OGFOD1: variants seen among roughly 807,000 people sequenced by gnomAD.
The protein encoded by OGFOD1 is 2-oxoglutarate and iron dependent oxygenase domain containing 1.
A neutral mutation model predicts 67.7 loss-of-function variants in OGFOD1; 54 were observed. The ratio of observed to expected loss-of-function variants is 0.80; its 90% confidence interval spans 0.64 to 1.00. The LOEUF is 1.00. Ranked by LOEUF, OGFOD1 falls within the 50% of genes least tolerant of loss-of-function variation. The pLI is 0.00. For synonymous variants in OGFOD1, 221 were observed against 227.0 expected, an observed-to-expected ratio of 0.97 and a Z score of 0.24; for missense variants, 606 against 646.7, an observed-to-expected ratio of 0.94 and a Z score of 0.68.
chr16:56,463,307 T>C (rs190238689), intron 4 of OGFOD1, among the ~76,000 whole-genome samples: 36 of 152,022 alleles, frequency 2.4e-4, no homozygotes, highest in African/African-American at 8.7e-4. Context: ...CTCACAACTT[T>C]TAGAGGATGA....
At chr16:56,460,716 A>G (rs1435318272) in intron 3 of OGFOD1, among the ~76,000 whole-genome samples, 1 of 152,208 alleles carries the variant, frequency 6.6e-6, no homozygotes, top group Non-Finnish European at 1.5e-5. Context: ...ATCAACCTGG[A>G]GATTTGATAC....
At position 56,463,589 on chromosome 16, in the gene OGFOD1, A is replaced by T. The variant is rs937235233; in HGVS notation, c.448+955A>T. Among the ~76,000 whole-genome samples the T allele has an allele frequency of 4.0e-5, 6 of 151,204 alleles. No individual in the cohort carries two copies. In the East Asian group the frequency reaches 9.7e-4, roughly 25 times the overall value. On this transcript the variant is annotated intron_variant, in intron 4 of 12. Transcript: ENST00000566157. The stretch of plus-strand genomic sequence containing the variant: ...AGGCATATGCCACAATGCCTGGCTA[A>T]TTTTTGTATTTTTAGTAGAGATGGA...
intron 4 of OGFOD1, among the ~76,000 whole-genome samples, chr16:56,463,398 T>G (rs1433040980): frequency 2.2e-5 from 3 of 134,244 alleles, no homozygotes; most frequent in Admixed American, 1.5e-4. Context: ...TTTTTTTTTT[T>G]TTTTTTTTTT....
chr16:56,461,470 C>G (rs1180396825), intron 3 of OGFOD1, among the ~76,000 whole-genome samples: 1 of 152,194 alleles, frequency 6.6e-6, no homozygotes, highest in Non-Finnish European at 1.5e-5. Flanking sequence ...AACTGGTAAT[C>G]TAGTAAACAA....
intron 11 of OGFOD1, among the ~76,000 whole-genome samples, chr16:56,475,229 T>C (rs1963403356): frequency 6.6e-6 from 1 of 152,230 alleles, no homozygotes; most frequent in Admixed American, 6.5e-5. Flanking sequence ...ATTGCCCTTC[T>C]GGGAATATTT....
chr16:56,454,428 G>A (rs1596963980), intron 2 of OGFOD1, among the ~76,000 whole-genome samples: 1 of 150,356 alleles, frequency 6.7e-6, no homozygotes, highest in African/African-American at 2.5e-5. Flanking sequence ...TTGCAGTAGG[G>A]CAAAGCGTTA....
chr16:56,475,491 G>A lies in OGFOD1; in HGVS notation c.1409-16G>A. 1 of 1,613,358 alleles carries A rather than the reference G, an allele frequency of 6.2e-7. No homozygotes were observed. The highest frequency in any genetic ancestry group is 8.5e-7 in the Non-Finnish European group (1 of 1,179,346). ...AATAGGAGCTTTCTGAATGCTGTTTGTTTTTCTCTTGTAAGGCTGGGAGCC... is the reference window on the plus strand; with the variant it reads ...AATAGGAGCTTTCTGAATGCTGTTTATTTTTCTCTTGTAAGGCTGGGAGCC... On this transcript the variant is annotated splice_polypyrimidine_tract_variant and intron_variant, in intron 11 of 12. Coordinates refer to ENST00000566157, the MANE Select transcript of OGFOD1 (RefSeq NM_018233.4).
chr16:56,472,177 C>T (rs1298700171), intron 10 of OGFOD1, among the ~76,000 whole-genome samples: 2 of 151,808 alleles, frequency 1.3e-5, no homozygotes, highest in African/African-American at 4.8e-5. Context: ...GCCATGTTGC[C>T]CAGGCTGGTC....
chr16:56,466,651 G>A (rs1044476433), intron 5 of OGFOD1, among the ~76,000 whole-genome samples: 54 of 152,174 alleles, frequency 3.5e-4, no homozygotes, highest in Non-Finnish European at 4.6e-4. Context: ...AGGAAACTTT[G>A]AGAACTTATT....
At chr16:56,466,059 G>A in intron 4 of OGFOD1, 93 bp from the exon 5 acceptor site, 2 of 839,224 alleles carry the variant, frequency 2.4e-6, no homozygotes, top group South Asian at 2.9e-5. Flanking sequence ...TGACATTACA[G>A]TTGAATGTCA....
intron 9 of OGFOD1, 37 bp from the exon 10 acceptor site, chr16:56,470,450 T>C: frequency 1.9e-6 from 3 of 1,546,946 alleles, no homozygotes; most frequent in Non-Finnish European, 2.6e-6. Flanking sequence ...TTTACATCTG[T>C]GGCTTTGATG....
chr16:56,451,541 G>T (rs1423215471), upstream of OGFOD1: 4 of 1,526,290 alleles, frequency 2.6e-6, no homozygotes, highest in African/African-American at 1.4e-5. Context: ...AAGGGGACAT[G>T]CCGGGAGTTG....
At chr16:56,467,883 G>C (rs1962971414) in intron 7 of OGFOD1, 22 bp from the exon 8 acceptor site, 1 of 1,124,958 alleles carries the variant, frequency 8.9e-7, no homozygotes, top group Non-Finnish European at 1.4e-6. Flanking sequence ...CTCACATTTT[G>C]CATCTGCTGC....
chr16:56,454,320 C>G (rs1596963874), intron 2 of OGFOD1, among the ~76,000 whole-genome samples: 1 of 152,124 alleles, frequency 6.6e-6, no homozygotes, highest in South Asian at 2.1e-4. Context: ...TGCACTCCAA[C>G]CTGGGCCACA....
chr16:56,467,004 T>G, intron 6 of OGFOD1, 37 bp downstream of exon 6: 1 of 1,548,982 alleles, frequency 6.5e-7, no homozygotes, highest in Non-Finnish European at 8.9e-7. Context: ...TAGCAAGGAT[T>G]ATGTTTTTTA....
At chr16:56,460,332 A>G (rs185266415) in intron 3 of OGFOD1, among the ~76,000 whole-genome samples, 311 of 152,348 alleles carry the variant, frequency 2.0e-3, no homozygotes, top group Admixed American at 4.9e-3. Flanking sequence ...TACAATTAAC[A>G]AATGCTAACA....
intron 4 of OGFOD1, 181 bp from the exon 5 acceptor site, chr16:56,465,971 A>G (rs746310675): frequency 3.7e-6 from 2 of 534,380 alleles, no homozygotes; most frequent in Non-Finnish European, 6.7e-6. Context: ...AGAGTTTTCT[A>G]TATTGACTTA....
chr16:56,456,231 C>T (rs1962518687), intron 2 of OGFOD1, among the ~76,000 whole-genome samples: 1 of 152,114 alleles, frequency 6.6e-6, no homozygotes, highest in South Asian at 2.1e-4. Context: ...CTCTTGGTTT[C>T]TCTTCTTCCT....
intron 9 of OGFOD1, 125 bp from the exon 10 acceptor site, chr16:56,470,362 C>T: frequency 2.3e-6 from 2 of 881,910 alleles, no homozygotes; most frequent in South Asian, 3.4e-5. Context: ...ATTGTAATAA[C>T]TTGTGCCTTA....
Sources: allele counts gnomAD v4.1 joint callset (sites outside exome capture counted in the v4.1 genomes callset), GRCh38; gene constraint gnomAD v4.1.1; transcripts MANE v1.5; gene names NCBI Gene and HGNC (gene_info 2026-07-23, HGNC 2026-07-21).